MIX23: variants seen among roughly 807,000 people sequenced by gnomAD.
MIX23 encodes the protein mitochondrial matrix import factor 23.
Under a neutral mutation model 21.6 loss-of-function variants are expected in MIX23, and 13 were observed. That is an observed-to-expected ratio of 0.60 (90% confidence interval 0.39 to 0.96). MIX23 has a LOEUF of 0.96. Among genes scored for constraint, MIX23 ranks in the 40% least tolerant of loss-of-function variants. The probability of loss-of-function intolerance (pLI) is 0.00; values close to 1 mark genes in which losing one functional copy is unlikely to be tolerated. For missense variants in MIX23, 144 were observed against 171.2 expected (o/e 0.84, Z 0.89); for synonymous variants, 59 against 58.0 (o/e 1.02, Z -0.08).
At chr3:122,360,334 T>G (rs13081171) in intron 4 of MIX23, among the ~76,000 whole-genome samples, 36,276 of 152,086 alleles carry the variant, frequency 0.24, 4,994 homozygotes, top group Admixed American at 0.34. Context: ...GTATGGTTAT[T>G]CAATGGAATA....
At chr3:122,360,404 G>GA (rs1409631439) in intron 4 of MIX23, among the ~76,000 whole-genome samples, 1 of 151,468 alleles carries the variant, frequency 6.6e-6, no homozygotes, top group South Asian at 2.1e-4. Flanking sequence ...ATTATCAAGG[G>GA]AAAAAAAAGT....
chr3:122,383,026 G>A, intron 1 of MIX23, 148 bp downstream of exon 1: 1 of 1,026,424 alleles, frequency 9.7e-7, no homozygotes, highest in Non-Finnish European at 1.5e-6. Flanking sequence ...GGCCAAACCC[G>A]CGCCCCCCAT....
chr3:122,359,829 TTAAAAAA>T lies in MIX23; in HGVS notation c.*33_*39del. On this transcript the variant is annotated 3_prime_UTR_variant, in exon 5 of 5. Transcript: ENST00000291458. The stretch of plus-strand genomic sequence containing the variant: ...TAGCTCTTATGAGATGACCCAGTCC[TTAAAAAA>T]AAAAAAAAAAAAAAAAAAAAAAGAA... The T allele has an allele frequency of 9.7e-7, 1 of 1,028,152 alleles. No individual in the cohort carries two copies. Among genetic ancestry groups the T allele is most frequent in the Non-Finnish European group, 1.2e-6 (1 of 814,550 alleles). The allele number at this position is 1,028,152 out of a possible 1,614,324, so 63.7% of individuals were successfully genotyped here.
At chr3:122,370,249 C>G (rs1319643733) in intron 2 of MIX23, among the ~76,000 whole-genome samples, 1 of 151,922 alleles carries the variant, frequency 6.6e-6, no homozygotes, top group Non-Finnish European at 1.5e-5. Flanking sequence ...GTCAGCAGTT[C>G]AAGACCAGAC....
chr3:122,362,844 T>A, intron 4 of MIX23, 124 bp downstream of exon 4: 1 of 396,298 alleles, frequency 2.5e-6, no homozygotes, highest in Admixed American at 3.3e-5. Flanking sequence ...CAATTGTAAA[T>A]GTAAACGAGT....
chr3:122,367,159 G>A (rs550731646), intron 3 of MIX23, among the ~76,000 whole-genome samples: 29 of 151,956 alleles, frequency 1.9e-4, no homozygotes, highest in Middle Eastern at 6.8e-3. Flanking sequence ...GAGAGAGGGA[G>A]GGTGAAGAGA....
At chr3:122,360,635 A>C (rs1173299831) in intron 4 of MIX23, among the ~76,000 whole-genome samples, 1 of 152,144 alleles carries the variant, frequency 6.6e-6, no homozygotes, top group Admixed American at 6.5e-5. Context: ...AAATCATGTC[A>C]AAAATTTTAA....
At chr3:122,383,006 C>G (rs1335873171) in intron 1 of MIX23, 168 bp downstream of exon 1, 3 of 795,986 alleles carry the variant, frequency 3.8e-6, no homozygotes, top group Non-Finnish European at 6.5e-6. Context: ...AGAGCAGCCT[C>G]GCTCCCTAAG....
intron 2 of MIX23, 85 bp downstream of exon 2, chr3:122,371,590 C>A (rs1370876097): frequency 6.9e-7 from 1 of 1,450,498 alleles, no homozygotes; most frequent in East Asian, 2.3e-5. Flanking sequence ...CCTTTAGTCA[C>A]AGTCGAGTTA....
At chr3:122,378,270 G>A (rs1362371516) in intron 1 of MIX23, among the ~76,000 whole-genome samples, 1 of 152,174 alleles carries the variant, frequency 6.6e-6, no homozygotes, top group Non-Finnish European at 1.5e-5. Flanking sequence ...CCAGTTTTGA[G>A]TTTGAACACT....
intron 2 of MIX23, among the ~76,000 whole-genome samples, chr3:122,370,163 G>C (rs1453788763): frequency 2.6e-5 from 4 of 152,114 alleles, no homozygotes; most frequent in African/African-American, 7.2e-5. Context: ...TTAAAACTGA[G>C]GCAGACAGCC....
intron 1 of MIX23, 101 bp from the exon 2 acceptor site, chr3:122,371,901 CT>C: frequency 9.7e-7 from 1 of 1,028,350 alleles, no homozygotes; most frequent in Non-Finnish European, 1.4e-6. Flanking sequence ...TTTTACAATC[CT>C]TTAAGTCAGG....
At chr3:122,382,547 C>T (rs530630439) in intron 1 of MIX23, among the ~76,000 whole-genome samples, 1 of 152,304 alleles carries the variant, frequency 6.6e-6, no homozygotes, top group South Asian at 2.1e-4. Flanking sequence ...GAACAGATAA[C>T]TTTAATGGCA....
intron 3 of MIX23, among the ~76,000 whole-genome samples, chr3:122,367,438 C>T (rs2075405299): frequency 6.6e-6 from 1 of 152,058 alleles, no homozygotes; most frequent in Admixed American, 6.6e-5. Context: ...AACAGTTCTG[C>T]TGCATTAACT....
intron 1 of MIX23, among the ~76,000 whole-genome samples, chr3:122,382,321 C>T (rs1215794916): frequency 6.6e-6 from 1 of 152,144 alleles, no homozygotes; most frequent in Non-Finnish European, 1.5e-5. Flanking sequence ...AAAAATTACC[C>T]GGGCGTGGTG....
chr3:122,374,692 GC>G (rs1487793024), intron 1 of MIX23, among the ~76,000 whole-genome samples: 1 of 152,106 alleles, frequency 6.6e-6, no homozygotes, highest in African/African-American at 2.4e-5. Context: ...CATGTGTCAG[GC>G]ACCATTCAAA....
intron 1 of MIX23, among the ~76,000 whole-genome samples, chr3:122,382,444 T>G (rs1451427898): frequency 1.3e-5 from 2 of 152,234 alleles, no homozygotes; most frequent in African/African-American, 2.4e-5. Context: ...TTTTTCAGTA[T>G]CTTGGGTTAG....
At chr3:122,373,885 A>AT (rs1430337911) in intron 1 of MIX23, among the ~76,000 whole-genome samples, 3 of 152,024 alleles carry the variant, frequency 2.0e-5, no homozygotes, top group Admixed American at 6.6e-5. Flanking sequence ...GTATCTTTCT[A>AT]TTTTTTTAAT....
intron 1 of MIX23, among the ~76,000 whole-genome samples, chr3:122,381,088 T>G (rs2075527449): frequency 6.6e-6 from 1 of 152,234 alleles, no homozygotes. Context: ...TTTTGTCTAT[T>G]ATCCTATTGC....
Sources: gnomAD v4.1 joint callset for allele counts (sites outside exome capture counted in the v4.1 genomes callset) on GRCh38, gnomAD v4.1.1 for gene constraint, MANE v1.5 for transcripts, NCBI Gene and HGNC (gene_info 2026-07-23, HGNC 2026-07-21) for gene names.